ENTREP2: variants seen among roughly 807,000 people sequenced by gnomAD.
ENTREP2 encodes protein ENTREP2.
chr15:29,631,046 G>C, the ENTREP2 span, among the ~76,000 whole-genome samples: 1 of 152,176 alleles, frequency 6.6e-6, no homozygotes, highest in Non-Finnish European at 1.5e-5. Context: ...CTCTAAGCTA[G>C]TACGGAGCTC....
At chr15:29,409,173 CAT>C in the ENTREP2 span, among the ~76,000 whole-genome samples, 8 of 152,266 alleles carry the variant, frequency 5.3e-5, no homozygotes, top group East Asian at 1.9e-4. Context: ...CTTTAACCCA[CAT>C]GTCTCCGGTT....
At chr15:29,347,173 CCTTT>C in the ENTREP2 span, among the ~76,000 whole-genome samples, 26,419 of 151,636 alleles carry the variant, frequency 0.17, 2,455 homozygotes, top group East Asian at 0.34. Context: ...GGTTTCTTTT[CCTTT>C]CTTTCTTTCT....
the ENTREP2 span, among the ~76,000 whole-genome samples, chr15:29,564,034 G>A: frequency 0.89 from 135,928 of 152,150 alleles, 60,747 homozygotes; most frequent in East Asian, 0.95. Context: ...AGGCTGGATC[G>A]TATTCCTTTT....
chr15:29,381,927 G>T, the ENTREP2 span: 1 of 1,115,604 alleles, frequency 9.0e-7, no homozygotes, highest in Non-Finnish European at 1.3e-6. Flanking sequence ...AGAAGGACGT[G>T]TGGAACACAG....
chr15:29,468,681 C>A, the ENTREP2 span, among the ~76,000 whole-genome samples: 4 of 149,948 alleles, frequency 2.7e-5, no homozygotes, highest in South Asian at 8.4e-4. Context: ...CTAATTAAAT[C>A]TTTAATAGTG....
the ENTREP2 span, among the ~76,000 whole-genome samples, chr15:29,407,378 T>C: frequency 6.6e-6 from 1 of 152,186 alleles, no homozygotes; most frequent in African/African-American, 2.4e-5. Flanking sequence ...GGTGTACGAC[T>C]GTATATCTAT....
chr15:29,349,590 T>G, the ENTREP2 span, among the ~76,000 whole-genome samples: 1 of 152,164 alleles, frequency 6.6e-6, no homozygotes, highest in African/African-American at 2.4e-5. Context: ...CTTATAGTGA[T>G]AACCCAACTA....
the ENTREP2 span, among the ~76,000 whole-genome samples, chr15:29,638,251 G>A: frequency 0.017 from 2,604 of 152,316 alleles, 65 homozygotes; most frequent in African/African-American, 0.059. Context: ...TCCAGCTAAG[G>A]GCTTCTCCAC....
chr15:29,343,027 T>TGGGGC, the ENTREP2 span, among the ~76,000 whole-genome samples: 4 of 130,886 alleles, frequency 3.1e-5, no homozygotes, highest in East Asian at 2.5e-4. Flanking sequence ...TAAAAAGGAA[T>TGGGGC]GGGGGGGGTG....
At chr15:29,424,270 T>C in the ENTREP2 span, among the ~76,000 whole-genome samples, 1 of 152,164 alleles carries the variant, frequency 6.6e-6, no homozygotes, top group African/African-American at 2.4e-5. Context: ...CACCGCTGAC[T>C]GGGTGGCTTT....
chr15:29,542,567 GT>G, the ENTREP2 span, among the ~76,000 whole-genome samples: 3 of 151,906 alleles, frequency 2.0e-5, no homozygotes, highest in South Asian at 6.2e-4. Flanking sequence ...GCCTCCCAAA[GT>G]GCTGGGATTA....
chr15:29,624,577 T>C, the ENTREP2 span, among the ~76,000 whole-genome samples: 1 of 152,226 alleles, frequency 6.6e-6, no homozygotes, highest in Non-Finnish European at 1.5e-5. Context: ...TGATGTTATT[T>C]TGGAGAACTG....
the ENTREP2 span, among the ~76,000 whole-genome samples, chr15:29,124,086 GC>G: frequency 1.7e-4 from 26 of 151,718 alleles, no homozygotes; most frequent in Admixed American, 6.6e-4. Context: ...ACATGAGACC[GC>G]CCCCCCCATC....
At chr15:29,602,509 CTG>C in the ENTREP2 span, among the ~76,000 whole-genome samples, 1 of 151,902 alleles carries the variant, frequency 6.6e-6, no homozygotes. Flanking sequence ...GATGAAAAAA[CTG>C]TTTTAGTTTA....
chr15:29,117,746 C>CTGTT, the ENTREP2 span: 5,369 of 152,622 alleles, frequency 0.035, 127 homozygotes, highest in Non-Finnish European at 0.051. Flanking sequence ...GCTATTATTA[C>CTGTT]TGTTTGGACT....
chr15:29,426,929 A>G, the ENTREP2 span, among the ~76,000 whole-genome samples: 1 of 152,208 alleles, frequency 6.6e-6, no homozygotes, highest in Admixed American at 6.5e-5. Flanking sequence ...AGAATTGTCC[A>G]ATCAGAATTA....
At chr15:29,348,176 G>GT in the ENTREP2 span, among the ~76,000 whole-genome samples, 2 of 152,324 alleles carry the variant, frequency 1.3e-5, no homozygotes, top group African/African-American at 4.8e-5. Context: ...AAATATCTGT[G>GT]TATGTCTTCA....
the ENTREP2 span, among the ~76,000 whole-genome samples, chr15:29,182,597 G>C: frequency 6.6e-6 from 1 of 151,876 alleles, no homozygotes; most frequent in Non-Finnish European, 1.5e-5. Flanking sequence ...ATTCTCCCCA[G>C]ATTAACCTAA....
the ENTREP2 span, among the ~76,000 whole-genome samples, chr15:29,246,341 G>A: frequency 1.3e-3 from 193 of 148,906 alleles, no homozygotes; most frequent in African/African-American, 4.3e-3. Context: ...GCAGTGAGCC[G>A]TGATGGCACC....
Sources: allele counts gnomAD v4.1 joint callset (sites outside exome capture counted in the v4.1 genomes callset), GRCh38; gene constraint gnomAD v4.1.1; transcripts MANE v1.5; gene names NCBI Gene and HGNC (gene_info 2026-07-23, HGNC 2026-07-21).